KMT2A: variants seen among roughly 807,000 people sequenced by gnomAD.
KMT2A encodes lysine methyltransferase 2A.
Under a neutral mutation model 345.3 loss-of-function variants are expected in KMT2A, and 16 were observed. The observed-to-expected ratio is 0.05, with a 90% CI of 0.03 to 0.07. The LOEUF (loss-of-function observed/expected upper bound fraction) is 0.07, where lower values mean the gene tolerates loss of function less well. Ranked by LOEUF, KMT2A falls within the 10% of genes least tolerant of loss-of-function variation. The probability of loss-of-function intolerance (pLI) is 1.00; values close to 1 mark genes in which losing one functional copy is unlikely to be tolerated. For synonymous variants in KMT2A, 1,599 were observed against 1,778.6 expected, an observed-to-expected ratio of 0.90 and a Z score of 2.54; for missense variants, 3,272 against 4,841.6, an observed-to-expected ratio of 0.68 and a Z score of 9.62.
At position 118,499,303 on chromosome 11, in the gene KMT2A, G is replaced by A. The variant is rs1555044966; in HGVS notation, c.5962G>A (p.Val1988Met). 1 of 1,598,504 alleles carries A rather than the reference G, an allele frequency of 6.3e-7. No homozygotes were observed. The highest frequency in any genetic ancestry group is 8.6e-7 in the Non-Finnish European group (1 of 1,165,758). Residue 1988 changes from valine (V) to methionine (M), a missense_variant and splice_region_variant, in exon 23 of 36, where the codon GTG (valine) becomes ATG (methionine). Around this residue, in one of 27 missense-constraint regions of KMT2A, gnomAD observed 235 missense variants for 503.4 expected, o/e 0.47. Transcript: ENST00000534358. ...ACAGCTACCATGGGTTTTATTTAAG[G>A]TGGTTCCTGAGAATGGATTTGAAGT... ...QRHRDLIKGE[V>M]VPENGFEVFR...
At position 118,496,977 on chromosome 11, in the gene KMT2A, T is replaced by C. The variant is rs1950419549; in HGVS notation, c.5664+610T>C. 6.6e-6 allele frequency among the ~76,000 whole-genome samples: 1 copy of C among 152,106 alleles called. No homozygotes were observed. The highest frequency in any genetic ancestry group is 6.5e-5 in the Admixed American group (1 of 15,268). ...TTAAAAGTTTTTTGTGTTTTTTGTTTTGTTTTGTTTTGTTTTTTTGAGCGG... is the reference window on the plus strand; with the variant it reads ...TTAAAAGTTTTTTGTGTTTTTTGTTCTGTTTTGTTTTGTTTTTTTGAGCGG... On this transcript the variant is annotated intron_variant, in intron 20 of 35. Coordinates refer to ENST00000534358, the MANE Select transcript of KMT2A (RefSeq NM_001197104.2). This position sits in a 1 kb window ranked among gnomAD's most constrained non-coding sequence, Gnocchi z 4.7.
Position 118,507,457 on chromosome 11 carries a change from C to T in KMT2A, c.10755-72C>T. ...CAGATCCTGATAGAGCCATTTCTTT[C>T]GACTCACCTCCACATTCAGTACATA... On this transcript the variant is annotated intron_variant, in intron 27 of 35. Transcript: ENST00000534358. The T allele has an allele frequency of 4.5e-6, 6 of 1,331,288 alleles. No homozygotes were observed. The East Asian group carries it at 1.2e-4, about 26-fold the overall frequency. The allele number at this position is 1,331,288 out of a possible 1,614,324, so 82.5% of individuals were successfully genotyped here. A position where few individuals can be genotyped will look rare whatever the true frequency, so the allele number is the denominator to read the frequency against.
chr11:118,450,650 T>C (rs1050161599), intron 1 of KMT2A: 3 of 152,210 alleles, frequency 2.0e-5, no homozygotes, highest in Non-Finnish European at 2.9e-5. Context: ...CTTTTTGTGT[T>C]AACATTTCTC....
rs2134347187 is a variant in KMT2A, at chr11:118,493,447, T to C, written c.5178+217T>C. On this transcript the variant is annotated intron_variant, in intron 16 of 35. Coordinates refer to ENST00000534358, the MANE Select transcript of KMT2A (RefSeq NM_001197104.2). This position sits in a 1 kb window ranked among gnomAD's most constrained non-coding sequence, Gnocchi z 5.8. ...GAAGATAATGTCTTAAAATAGTTCT[T>C]TTATTTGGCTTTCATCTCAGTTTTC... Among the ~76,000 whole-genome samples, 1 of 152,338 alleles carries C rather than the reference T, an allele frequency of 6.6e-6. No individual in the cohort carries two copies. Among genetic ancestry groups the C allele is most frequent in the South Asian group, 2.1e-4 (1 of 4,830 alleles).
At chr11:118,444,460 G>A (rs1555026626) in intron 1 of KMT2A, among the ~76,000 whole-genome samples, 1 of 152,194 alleles carries the variant, frequency 6.6e-6, no homozygotes, top group Non-Finnish European at 1.5e-5. Flanking sequence ...AATCTAATCT[G>A]TAGTGGTGTG....
At position 118,472,741 on chromosome 11, in the gene KMT2A, A is replaced by G; in HGVS notation, c.1582A>G (p.Ser528Gly). ...AGAAAATGAGAGTAATGATAGGAGA[A>G]GCAGAAGGTATTCAGTGTCGGAGAG... is the stretch of plus-strand genomic sequence containing the variant. ...SPENESNDRRSRRYSVSERSF... is the reference protein window; with the variant it reads ...SPENESNDRRGRRYSVSERSF... Residue 528 changes from serine to glycine, a missense_variant, in exon 3 of 36, where the codon AGC becomes GGC. By Grantham distance (56) the Ser-to-Gly change is moderately conservative. Coordinates refer to ENST00000534358, the MANE Select transcript of KMT2A (RefSeq NM_001197104.2). 6.2e-7 allele frequency: 1 copy of G among 1,613,724 alleles called. No individual in the cohort carries two copies. Among genetic ancestry groups the G allele is most frequent in the Non-Finnish European group, 8.5e-7 (1 of 1,179,978 alleles).
At position 118,490,091 on chromosome 11, in the gene KMT2A, C is replaced by A; in HGVS notation, c.4576-38C>A. 5 of 1,581,842 alleles carry A rather than the reference C, an allele frequency of 3.2e-6. No individual in the cohort carries two copies. Among genetic ancestry groups the A allele is most frequent in the Non-Finnish European group, 4.3e-6 (5 of 1,166,018 alleles). On this transcript the variant is annotated intron_variant, in intron 12 of 35. Transcript: ENST00000534358. The surrounding 1 kb of genome is among the most constrained non-coding windows in gnomAD (Gnocchi z 4.2). ...TTTAGTTAAGTAAAGATATTAAAAA[C>A]AAGAAATTCCTATTGAATTTCTTTT...
intron 1 of KMT2A, among the ~76,000 whole-genome samples, chr11:118,453,987 T>C (rs1368741983): frequency 6.6e-6 from 1 of 152,178 alleles, no homozygotes; most frequent in Non-Finnish European, 1.5e-5. Flanking sequence ...TTATCTCTTT[T>C]ATTCACATCT....
intron 10 of KMT2A, among the ~76,000 whole-genome samples, chr11:118,485,741 T>G (rs1414815893): frequency 6.6e-6 from 1 of 152,078 alleles, no homozygotes; most frequent in African/African-American, 2.4e-5. Context: ...AATAAAAAAC[T>G]GGAAACAACC....
At position 118,490,063 on chromosome 11, in the gene KMT2A, CTT is replaced by C; in HGVS notation, c.4576-62_4576-61del. On this transcript the variant is annotated intron_variant, in intron 12 of 35. Transcript: ENST00000534358. This position sits in a 1 kb window ranked among gnomAD's most constrained non-coding sequence, Gnocchi z 4.2. Reference sequence around the variant, plus strand: ...ATCTATAAATGGATGCATTTAAGATCTTTTTAGTTAAGTAAAGATATTAAAAA... The same window carrying C: ...ATCTATAAATGGATGCATTTAAGATCTTTAGTTAAGTAAAGATATTAAAAA... The C allele has an allele frequency of 5.9e-6, 9 of 1,529,560 alleles. No homozygotes were observed. Among genetic ancestry groups the C allele is most frequent in the Non-Finnish European group, 8.0e-6 (9 of 1,130,602 alleles). The allele number at this position is 1,529,560 out of a possible 1,614,324, so 94.7% of individuals were successfully genotyped here. A position where few individuals can be genotyped will look rare whatever the true frequency, so the allele number is the denominator to read the frequency against.
rs1950153927 is a variant in KMT2A, at chr11:118,482,595, C to T, written c.4086+100C>T. 4.2e-5 allele frequency: 37 copies of T among 875,262 alleles called. 1 individual carries two copies. In the South Asian group the frequency reaches 5.9e-4, roughly 14 times the overall value. 54.2% of individuals were successfully genotyped at this position (875,262 alleles called of 1,614,324 possible). On this transcript the variant is annotated intron_variant, in intron 8 of 35. Transcript: ENST00000534358. ...TTCTATGTAGATGGCAGTGGAATTT[C>T]TTAAAATTAAGAAACTTCAAGTTTA...
Position 118,505,560 on chromosome 11 carries a change from A to G in KMT2A, c.9668A>G (p.Lys3223Arg), listed in dbSNP as rs782738899. The G allele has an allele frequency of 2.5e-6, 4 of 1,614,168 alleles. No individual in the cohort carries two copies. The highest frequency in any genetic ancestry group is 3.4e-6 in the Non-Finnish European group (4 of 1,180,034). ...GCCACTCCATCCTCTGGACTCAAGA[A>G]AAGACCCATATCTCGTCTACAGACC... ...TVATPSSGLK[K>R]RPISRLQTRK... Residue 3223 changes from lysine (K) to arginine (R), a missense_variant, in exon 27 of 36, where the codon AAA (lysine) becomes AGA (arginine). By Grantham distance (26) the Lys-to-Arg change is conservative. Around this residue, in one of 27 missense-constraint regions of KMT2A, gnomAD observed 748 missense variants for 922.2 expected, o/e 0.81. Transcript: ENST00000534358. This position sits in a 1 kb window ranked among gnomAD's most constrained non-coding sequence, Gnocchi z 4.6.
intron 1 of KMT2A, among the ~76,000 whole-genome samples, chr11:118,439,826 C>G (rs1949277232): frequency 6.6e-6 from 1 of 151,702 alleles, no homozygotes; most frequent in Admixed American, 6.6e-5. Flanking sequence ...CATGGGTAAG[C>G]TTTTTATGTG....
intron 1 of KMT2A, among the ~76,000 whole-genome samples, chr11:118,457,073 T>TCTTC (rs1949657912): frequency 6.6e-6 from 1 of 152,122 alleles, no homozygotes; most frequent in Non-Finnish European, 1.5e-5. Flanking sequence ...TTACAACTGT[T>TCTTC]CTTCCTGCCT....
At chr11:118,517,612 G>A (rs1315839510) in intron 31 of KMT2A, among the ~76,000 whole-genome samples, 1 of 152,046 alleles carries the variant, frequency 6.6e-6, no homozygotes, top group Non-Finnish European at 1.5e-5. Context: ...GGCCAAGGAA[G>A]GAGGATCACT....
chr11:118,464,536 T>C (rs192855784), intron 1 of KMT2A, among the ~76,000 whole-genome samples: 106 of 142,464 alleles, frequency 7.4e-4, no homozygotes, highest in African/African-American at 2.8e-3. Flanking sequence ...GGAAACTCTG[T>C]CTCAAAAAAA....
chr11:118,496,132 G>A lies in KMT2A; in HGVS notation c.5558-129G>A. On this transcript the variant is annotated intron_variant, in intron 19 of 35. Coordinates refer to ENST00000534358, the MANE Select transcript of KMT2A (RefSeq NM_001197104.2). This position sits in a 1 kb window ranked among gnomAD's most constrained non-coding sequence, Gnocchi z 4.7. ...GGTAGCGTAACTCTGAACACTTTTTGAAAAGTGGTTATTTTATAGGCTGTG... is the reference window on the plus strand; with the variant it reads ...GGTAGCGTAACTCTGAACACTTTTTAAAAAGTGGTTATTTTATAGGCTGTG... The A allele has an allele frequency of 1.3e-6, 1 of 758,284 alleles. No individual in the cohort carries two copies. Among genetic ancestry groups the A allele is most frequent in the Middle Eastern group, 2.5e-4 (1 of 4,006 alleles). 47.0% of individuals were successfully genotyped at this position (758,284 alleles called of 1,614,324 possible). A position where few individuals can be genotyped will look rare whatever the true frequency, so the allele number is the denominator to read the frequency against.
At chr11:118,453,762 C>T (rs1471115040) in intron 1 of KMT2A, among the ~76,000 whole-genome samples, 1 of 152,192 alleles carries the variant, frequency 6.6e-6, no homozygotes. Flanking sequence ...CCTTCATGAC[C>T]ATTGTCTGAA....
intron 31 of KMT2A, among the ~76,000 whole-genome samples, chr11:118,512,841 G>A (rs1229892446): frequency 4.6e-5 from 7 of 150,746 alleles, no homozygotes; most frequent in African/African-American, 1.7e-4. Flanking sequence ...AGTGTGAAAT[G>A]TTATCTTTTC....
Sources: allele counts gnomAD v4.1 joint callset (sites outside exome capture counted in the v4.1 genomes callset), GRCh38; gene constraint gnomAD v4.1.1; regional missense constraint gnomAD v4.1.1; non-coding constraint Gnocchi (gnomAD v3.1); transcripts MANE v1.5; gene names NCBI Gene and HGNC (gene_info 2026-07-23, HGNC 2026-07-21).